Variants in RBM5 observed in about 807,000 individuals in gnomAD.
RBM5 encodes the protein RNA binding motif protein 5, also known as RNA-binding protein 5.
Under a neutral mutation model 124.6 loss-of-function variants are expected in RBM5, and 15 were observed. The observed-to-expected ratio is 0.12, with a 90% CI of 0.08 to 0.19. The LOEUF (loss-of-function observed/expected upper bound fraction) is 0.19. Ranked by LOEUF, RBM5 falls within the 10% of genes least tolerant of loss-of-function variation. The probability of loss-of-function intolerance (pLI) is 1.00; values close to 1 mark genes in which losing one functional copy is unlikely to be tolerated. For synonymous variants in RBM5, 337 were observed against 361.2 expected (o/e 0.93, Z 0.76); for missense variants, 580 against 1,026.5 (o/e 0.57, Z 5.94).
chr3:50,107,978 G>A (rs1046864293), intron 12 of RBM5, 92 bp from the exon 13 acceptor site: 24 of 1,092,390 alleles, frequency 2.2e-5, no homozygotes, highest in Middle Eastern at 2.0e-4. Flanking sequence ...GAGCCACAGC[G>A]CCCAGCATCA....
rs1389864268 is a variant in RBM5 at position 50,099,885 on chromosome 3, A to AG, written c.340-97_340-96insG. ...AGAGACTCCCATCTTAAAAAAAAAA[A>AG]AAACTTGGCTAATTAAACAGTTGAT... On this transcript the variant is annotated intron_variant, in intron 4 of 24. Coordinates refer to ENST00000347869, the MANE Select transcript of RBM5 (RefSeq NM_005778.4). 14 of 1,156,512 alleles carry AG rather than the reference A, an allele frequency of 1.2e-5. No individual in the cohort carries two copies. In the African/African-American group the frequency reaches 2.1e-4, roughly 17 times the overall value. 71.6% of individuals were successfully genotyped at this position (1,156,512 alleles called of 1,614,324 possible).
rs1418250255 is a variant in RBM5 at position 50,107,510 on chromosome 3, G to T, written c.982G>T (p.Val328Phe). The T allele has an allele frequency of 1.6e-5, 26 of 1,608,440 alleles. No homozygotes were observed. The highest frequency in any genetic ancestry group is 1.9e-5 in the Non-Finnish European group (22 of 1,175,130). Residue 328 changes from valine to phenylalanine, a missense_variant, in exon 12 of 25, where the codon GTC becomes TTC. Physicochemically the swap from Val to Phe is conservative, Grantham distance 50. This residue lies in a region of RBM5 where 42 missense variants were observed against 101.1 expected (regional missense o/e 0.42). Transcript: ENST00000347869. ...CTTGGTCCTCTCAGATGGTAACCGCGTCAGCGCTTTCTCTGTAGCTAGTAC... is the reference window on the plus strand; with the variant it reads ...CTTGGTCCTCTCAGATGGTAACCGCTTCAGCGCTTTCTCTGTAGCTAGTAC... Reference protein sequence around the residue: ...KDLVLSDGNRVSAFSVASTAI... With the variant: ...KDLVLSDGNRFSAFSVASTAI...
chr3:50,096,682 TG>T (rs11332177), intron 4 of RBM5, among the ~76,000 whole-genome samples: 151,938 of 151,940 alleles, frequency 1, 75,968 homozygotes, highest in Middle Eastern at 1. Flanking sequence ...CTCCAACTTT[TG>T]GGGCTCAGGC....
chr3:50,115,703 A>G (rs577173091), intron 21 of RBM5, 96 bp downstream of exon 21: 12 of 1,414,222 alleles, frequency 8.5e-6, no homozygotes, highest in East Asian at 4.6e-5. Flanking sequence ...AATACCTGCC[A>G]TCTAATGATG....
chr3:50,092,774 C>T (rs1459152150), intron 3 of RBM5: 1 of 450,850 alleles, frequency 2.2e-6, no homozygotes, highest in South Asian at 1.6e-5. Context: ...GTTGGCCAGG[C>T]ACAGTGGCTC....
chr3:50,105,760 C>G, intron 10 of RBM5, 51 bp downstream of exon 10: 1 of 1,583,566 alleles, frequency 6.3e-7, no homozygotes, highest in Non-Finnish European at 8.6e-7. Flanking sequence ...CTTTAAGAGG[C>G]AAATGTGGTT....
At chr3:50,103,047 C>T in intron 6 of RBM5, 36 bp from the exon 7 acceptor site, 1 of 1,488,974 alleles carries the variant, frequency 6.7e-7, no homozygotes, top group Non-Finnish European at 9.4e-7. Context: ...ACATGTTCCT[C>T]ACAATGGGAA....
chr3:50,115,814 GCT>G, intron 21 of RBM5, 90 bp from the exon 22 acceptor site: 1 of 1,320,678 alleles, frequency 7.6e-7, no homozygotes, highest in Non-Finnish European at 1.1e-6. Flanking sequence ...TTGGGCTTTG[GCT>G]CTTAAAGTAC....
intron 14 of RBM5, among the ~76,000 whole-genome samples, chr3:50,108,514 C>T (rs557981599): frequency 6.6e-6 from 1 of 152,136 alleles, no homozygotes; most frequent in Non-Finnish European, 1.5e-5. Context: ...CAAGACCAGC[C>T]TGGCCAACAT....
intron 10 of RBM5, among the ~76,000 whole-genome samples, chr3:50,106,346 T>G (rs576757484): frequency 6.6e-6 from 1 of 152,008 alleles, no homozygotes; most frequent in Non-Finnish European, 1.5e-5. Context: ...TTCACTGTGT[T>G]AGCCAGGATG....
intron 3 of RBM5, chr3:50,092,914 A>G: frequency 4.8e-6 from 1 of 206,946 alleles, no homozygotes. Context: ...TAATAAATAT[A>G]AGTTGTTGTT....
At chr3:50,106,283 G>A (rs1309516476) in intron 10 of RBM5, among the ~76,000 whole-genome samples, 1 of 151,940 alleles carries the variant, frequency 6.6e-6, no homozygotes, top group Non-Finnish European at 1.5e-5. Context: ...TGGGATTACA[G>A]GCGCTCACCA....
At chr3:50,105,525 G>A in intron 9 of RBM5, 24 bp from the exon 10 acceptor site, 1 of 1,606,944 alleles carries the variant, frequency 6.2e-7, no homozygotes, top group East Asian at 2.2e-5. Context: ...GCATGTGTAT[G>A]TCATTTGTCT....
rs1255366318 is a variant in RBM5 at position 50,107,500 on chromosome 3, T to C, written c.972T>C (p.Asp324=). The change falls in exon 12 of 25, where the codon GAT becomes GAC. Residue 324 remains aspartate (D), a synonymous_variant. Transcript: ENST00000347869. ...KSARKDLVLS[D]GNRVSAFSVA... is the part of the protein sequence containing the mutation. ...GTTTCAGAGACTTGGTCCTCTCAGA[T>C]GGTAACCGCGTCAGCGCTTTCTCTG... The C allele has an allele frequency of 1.2e-6, 2 of 1,605,094 alleles. No homozygotes were observed. Among genetic ancestry groups the C allele is most frequent in the African/African-American group, 1.3e-5 (1 of 74,642 alleles).
intron 3 of RBM5, 116 bp from the exon 4 acceptor site, chr3:50,093,604 T>TG (rs2090750063): frequency 8.6e-7 from 1 of 1,160,398 alleles, no homozygotes; most frequent in Non-Finnish European, 1.2e-6. Context: ...AACATTACCA[T>TG]GGAGTGCTTG....
At chr3:50,106,942 G>A in intron 11 of RBM5, 78 bp downstream of exon 11, 1 of 1,209,066 alleles carries the variant, frequency 8.3e-7, no homozygotes, top group East Asian at 2.4e-5. Flanking sequence ...CGCCAAGCCT[G>A]TGCCCCAAGT....
intron 4 of RBM5, chr3:50,099,649 G>C (rs1165002181): frequency 1.2e-5 from 2 of 160,478 alleles, no homozygotes; most frequent in Non-Finnish European, 2.7e-5. Context: ...AGTGAGCCGA[G>C]ATCACGTCAC....
Position 50,108,507 on chromosome 3 carries a change from G to C in RBM5, c.1192+203G>C, listed in dbSNP as rs539685180. 2.0e-5 allele frequency among the ~76,000 whole-genome samples: 3 copies of C among 152,284 alleles called. No homozygotes were observed. The South Asian group carries it at 6.2e-4, about 32-fold the overall frequency. ...GTGGATCACGAGGTCAGGAGTTCAA[G>C]ACCAGCCTGGCCAACATGGTGAAAC... On this transcript the variant is annotated intron_variant, in intron 14 of 24. Transcript: ENST00000347869.
At chr3:50,096,324 CA>C (rs10711228) in intron 4 of RBM5, among the ~76,000 whole-genome samples, 118,358 of 140,006 alleles carry the variant, frequency 0.85, 49,896 homozygotes, top group African/African-American at 0.94. Flanking sequence ...CGCATCTCTC[CA>C]AAAAAAAAAA....
Sources: allele counts gnomAD v4.1 joint callset (sites outside exome capture counted in the v4.1 genomes callset), GRCh38; gene constraint gnomAD v4.1.1; regional missense constraint gnomAD v4.1.1; transcripts MANE v1.5; gene names NCBI Gene and HGNC (gene_info 2026-07-23, HGNC 2026-07-21).